The following WDR19 variants were observed in gnomAD, a reference collection of about 807,000 sequenced individuals.
WDR19 encodes the protein WD repeat domain 19, also known as WD repeat-containing protein 19.
A neutral mutation model predicts 180.0 loss-of-function variants in WDR19; 121 were observed. The observed-to-expected ratio is 0.67, with a 90% CI of 0.58 to 0.78. The LOEUF is 0.78. Among genes scored for constraint, WDR19 ranks in the 30% least tolerant of loss-of-function variants. The probability of loss-of-function intolerance (pLI) is 0.00; values close to 1 mark genes in which losing one functional copy is unlikely to be tolerated. For missense variants in WDR19, 1,450 were observed against 1,640.7 expected, an observed-to-expected ratio of 0.88 and a Z score of 2.01; for synonymous variants, 497 against 540.7, an observed-to-expected ratio of 0.92 and a Z score of 1.12.
intron 29 of WDR19, 51 bp downstream of exon 29, chr4:39,266,191 G>T: frequency 6.9e-7 from 1 of 1,453,718 alleles, no homozygotes; most frequent in South Asian, 1.4e-5. Flanking sequence ...GTTACAGTTT[G>T]ATTCTGCCTG....
At chr4:39,261,180 G>A (rs143161323) in intron 28 of WDR19, among the ~76,000 whole-genome samples, 14 of 149,942 alleles carry the variant, frequency 9.3e-5, no homozygotes, top group African/African-American at 2.2e-4. Context: ...TAGTAGAGAC[G>A]GATGTTTTAG....
intron 24 of WDR19, among the ~76,000 whole-genome samples, chr4:39,249,027 C>T (rs555892662): frequency 9.2e-5 from 14 of 152,312 alleles, no homozygotes; most frequent in Non-Finnish European, 1.6e-4. Context: ...ACAGAACTCT[C>T]CACCCCAAAT....
intron 24 of WDR19, among the ~76,000 whole-genome samples, chr4:39,251,902 T>TA (rs1215089415): frequency 1.3e-5 from 2 of 152,172 alleles, no homozygotes; most frequent in Non-Finnish European, 2.9e-5. Flanking sequence ...ACCTTTACAC[T>TA]GTTGGTGGGA....
At chr4:39,210,388 G>A (rs986628514) in intron 9 of WDR19, among the ~76,000 whole-genome samples, 1 of 152,202 alleles carries the variant, frequency 6.6e-6, no homozygotes, top group African/African-American at 2.4e-5. Flanking sequence ...TTAAAAATCA[G>A]TGTAATCTAT....
intron 3 of WDR19, among the ~76,000 whole-genome samples, chr4:39,188,632 A>G (rs1480057337): frequency 3.3e-5 from 5 of 151,612 alleles, no homozygotes; most frequent in Non-Finnish European, 7.4e-5. Flanking sequence ...AAAAAAAAAA[A>G]AAAGAAAAGA....
intron 4 of WDR19, among the ~76,000 whole-genome samples, chr4:39,193,157 T>C (rs1256859499): frequency 2.7e-5 from 4 of 150,914 alleles, no homozygotes; most frequent in African/African-American, 9.7e-5. Context: ...TTTAATTTTT[T>C]TTCTTTTCTT....
At position 39,206,112 on chromosome 4, in the gene WDR19, C is replaced by A. The variant is rs116250329; in HGVS notation, c.890+376C>A. 421 of 157,882 alleles carry A rather than the reference C, an allele frequency of 2.7e-3. 2 individuals carry two copies. The highest frequency in any genetic ancestry group is 9.6e-3 in the African/African-American group (398 of 41,638). 9.8% of individuals were successfully genotyped at this position (157,882 alleles called of 1,614,324 possible). On this transcript the variant is annotated intron_variant, in intron 9 of 36. Transcript: ENST00000399820. ...AAGTGCCAACTAACCAGTGGGGAGTCTCCCACTTGTCCTCTGCTGTCTCAC... is the reference window on the plus strand; with the variant it reads ...AAGTGCCAACTAACCAGTGGGGAGTATCCCACTTGTCCTCTGCTGTCTCAC...
At chr4:39,229,391 T>G (rs1302230156) in intron 17 of WDR19, among the ~76,000 whole-genome samples, 1 of 152,182 alleles carries the variant, frequency 6.6e-6, no homozygotes, top group Non-Finnish European at 1.5e-5. Context: ...CTGTTTTTAT[T>G]ATGAGTACTT....
intron 31 of WDR19, 144 bp downstream of exon 31, chr4:39,270,244 C>A: frequency 1.7e-6 from 2 of 1,154,786 alleles, no homozygotes; most frequent in Admixed American, 2.6e-5. Context: ...CAGAACATAT[C>A]TACAATACGC....
At chr4:39,231,082 C>T (rs1037282803) in intron 17 of WDR19, among the ~76,000 whole-genome samples, 1 of 151,950 alleles carries the variant, frequency 6.6e-6, no homozygotes, top group Non-Finnish European at 1.5e-5. Context: ...GAGGCCGAGG[C>T]GGGCGGATCA....
chr4:39,278,165 G>T lies in WDR19; in HGVS notation c.3875G>T (p.Cys1292Phe), dbSNP rs796543493. 2.0e-5 allele frequency: 32 copies of T among 1,607,318 alleles called. No individual in the cohort carries two copies. Among genetic ancestry groups the T allele is most frequent in the Non-Finnish European group, 2.7e-5 (32 of 1,176,942 alleles). The change falls in exon 35 of 37, where the codon TGT becomes TTT. Residue 1292 changes from cysteine (C) to phenylalanine (F), a missense_variant. Coordinates refer to ENST00000399820, the MANE Select transcript of WDR19 (RefSeq NM_025132.4). ...ATGTTGAAAGATGACTGGACGGTGT[G>T]TCCACATTGTGACTTCCCTGCTCTA... ...RHMLKDDWTV[C>F]PHCDFPALYS...
chr4:39,251,303 C>G (rs1161310538), intron 24 of WDR19, among the ~76,000 whole-genome samples: 2 of 152,142 alleles, frequency 1.3e-5, no homozygotes, highest in Non-Finnish European at 2.9e-5. Context: ...ACTGGCTAGC[C>G]ATATGGAGAA....
chr4:39,205,100 T>C, intron 7 of WDR19, 54 bp from the exon 8 acceptor site: 1 of 1,318,526 alleles, frequency 7.6e-7, no homozygotes. Context: ...CTTAATGGTC[T>C]TTTCATGAAG....
At chr4:39,268,670 A>C (rs1296990707) in intron 30 of WDR19, among the ~76,000 whole-genome samples, 1 of 152,194 alleles carries the variant, frequency 6.6e-6, no homozygotes, top group Admixed American at 6.5e-5. Flanking sequence ...GAAAATATGC[A>C]GTCAAATAAG....
At chr4:39,278,934 T>G (rs1305589714) in intron 36 of WDR19, among the ~76,000 whole-genome samples, 1 of 151,860 alleles carries the variant, frequency 6.6e-6, no homozygotes, top group African/African-American at 2.4e-5. Context: ...AATCACTCCA[T>G]TAAAACTAGA....
chr4:39,269,963 A>G lies in WDR19; in HGVS notation c.3359-13A>G. On this transcript the variant is annotated splice_polypyrimidine_tract_variant and intron_variant, in intron 30 of 36. Transcript: ENST00000399820. The stretch of plus-strand genomic sequence containing the variant: ...CCCTTTGCAGTAATGTCGTTTTACC[A>G]CCTTTTTTCAAGGCAACTACCGGAA... 1 of 1,613,018 alleles carries G rather than the reference A, an allele frequency of 6.2e-7. No homozygotes were observed. The highest frequency in any genetic ancestry group is 8.5e-7 in the Non-Finnish European group (1 of 1,179,294).
chr4:39,283,192 A>G (rs1736744801), intron 36 of WDR19, among the ~76,000 whole-genome samples: 1 of 152,140 alleles, frequency 6.6e-6, no homozygotes, highest in South Asian at 2.1e-4. Context: ...TTCTCTATCA[A>G]TTGAGATGAT....
intron 21 of WDR19, 83 bp downstream of exon 21, chr4:39,240,417 G>C: frequency 1.2e-6 from 1 of 834,806 alleles, no homozygotes; most frequent in Non-Finnish European, 1.7e-6. Flanking sequence ...GGTCTTATTT[G>C]TATTGTATTT....
chr4:39,205,501 TA>T, intron 8 of WDR19, 61 bp from the exon 9 acceptor site: 2 of 1,529,206 alleles, frequency 1.3e-6, no homozygotes, highest in Non-Finnish European at 1.8e-6. Flanking sequence ...CTTGCTAATT[TA>T]CCATGTTGCC....
Sources: gnomAD v4.1 joint callset for allele counts (sites outside exome capture counted in the v4.1 genomes callset) on GRCh38, gnomAD v4.1.1 for gene constraint, MANE v1.5 for transcripts, NCBI Gene and HGNC (gene_info 2026-07-23, HGNC 2026-07-21) for gene names.